The following DCST2 variants were observed in gnomAD, a reference collection of about 807,000 sequenced individuals.
The protein encoded by DCST2 is DC-STAMP domain-containing protein 2.
In DCST2, 64 loss-of-function variants were observed where a neutral mutation model predicts 81.8. The ratio of observed to expected loss-of-function variants is 0.78; its 90% CI spans 0.64 to 0.96. The LOEUF (loss-of-function observed/expected upper bound fraction) is 0.96. Among genes scored for constraint, DCST2 ranks in the 40% least tolerant of loss-of-function variants. The probability of loss-of-function intolerance (pLI) is 0.00; values close to 1 mark genes in which losing one functional copy is unlikely to be tolerated. For missense variants in DCST2, 945 were observed against 1,001.4 expected (o/e 0.94, Z 0.76); for synonymous variants, 354 against 402.6 (o/e 0.88, Z 1.44).
chr1:155,028,530 G>C (rs574889887), intron 8 of DCST2, among the ~76,000 whole-genome samples: 1 of 151,680 alleles, frequency 6.6e-6, no homozygotes, highest in South Asian at 2.1e-4. Context: ...ATTGTAGTGA[G>C]CCAAGATTGC....
chr1:155,027,621 T>A (rs1441468256), intron 8 of DCST2, among the ~76,000 whole-genome samples: 1 of 139,848 alleles, frequency 7.2e-6, no homozygotes, highest in Non-Finnish European at 1.5e-5. Flanking sequence ...AGTGCAGTGG[T>A]GTGATCTCGG....
chr1:155,030,303 G>T, intron 6 of DCST2, 62 bp from the exon 7 acceptor site: 1 of 1,606,288 alleles, frequency 6.2e-7, no homozygotes, highest in Non-Finnish European at 8.5e-7. Flanking sequence ...ACCCCACAGG[G>T]CATCCGCGCT....
chr1:155,024,984 A>G (rs1659859955), intron 10 of DCST2, among the ~76,000 whole-genome samples: 1 of 152,060 alleles, frequency 6.6e-6, no homozygotes, highest in Non-Finnish European at 1.5e-5. Context: ...CGCCATCTCT[A>G]CTAAAAATAC....
At chr1:155,024,400 A>T in intron 11 of DCST2, 72 bp downstream of exon 11, 2 of 1,493,086 alleles carry the variant, frequency 1.3e-6, no homozygotes, top group Non-Finnish European at 1.8e-6. Context: ...ATAGCACAGA[A>T]ATCCATTCCA....
chr1:155,033,564 C>T lies in DCST2; in HGVS notation c.138G>A (p.Leu46=), dbSNP rs753574062. The change falls in exon 1 of 15, where the codon CTG becomes CTA. Residue 46 remains leucine (L), a synonymous_variant. Coordinates refer to ENST00000368424, the MANE Select transcript of DCST2 (RefSeq NM_144622.3). ...LATAYGLLEL[L]VEGHSPWGCL... The stretch of plus-strand genomic sequence containing the variant: ...AACCCCAGGGGCTGTGGCCTTCCAC[C>T]AGTAGCTCCAGAAGCCCGTAGGCCG... 6.2e-7 allele frequency: 1 copy of T among 1,614,188 alleles called. No individual in the cohort carries two copies. Among genetic ancestry groups the T allele is most frequent in the Non-Finnish European group, 8.5e-7 (1 of 1,180,024 alleles).
chr1:155,019,049 T>C (rs1659666484), intron 14 of DCST2, among the ~76,000 whole-genome samples: 1 of 152,198 alleles, frequency 6.6e-6, no homozygotes, highest in Non-Finnish European at 1.5e-5. Context: ...CTGTCCCCTC[T>C]GCTGACCCAG....
rs1474128194 is a variant in DCST2, at chr1:155,030,498, C to A, written c.953G>T (p.Arg318Leu). 5 of 1,613,994 alleles carry A rather than the reference C, an allele frequency of 3.1e-6. No individual in the cohort carries two copies. In the East Asian group the frequency reaches 1.1e-4, roughly 36 times the overall value. ...LHEAVSMKLH[R>L]VREALALMGF... Reference sequence around the variant, plus strand: ...CATCAGAGCCAGGGCCTCTCGGACACGGTGCAGCTTCATGCTGACAGCCTC... The same window carrying A: ...CATCAGAGCCAGGGCCTCTCGGACAAGGTGCAGCTTCATGCTGACAGCCTC... The change falls in exon 6 of 15, where the codon CGT (arginine) becomes CTT (leucine). Residue 318 changes from arginine to leucine, a missense_variant. Arg to Leu is a moderately radical substitution (Grantham distance 102, BLOSUM62 -2). Coordinates refer to ENST00000368424, the MANE Select transcript of DCST2 (RefSeq NM_144622.3).
In DCST2 at chr1:155,033,642, C is replaced by T. The variant is rs150010313; in HGVS notation, c.60G>A (p.Ala20=). 2,591 of 1,614,192 alleles carry T rather than the reference C, an allele frequency of 1.6e-3. 4 individuals carry two copies. The highest frequency in any genetic ancestry group is 2.1e-3 in the Non-Finnish European group (2,447 of 1,180,028). Residue 20 remains alanine (A), a synonymous_variant, in exon 1 of 15, where the codon GCG becomes GCA. Transcript: ENST00000368424. ...CTCCCACGCTGCGAACCACAGCTCTCGCCATGCTAGGCTCCTCTCCCCCCA... is the reference window on the plus strand; with the variant it reads ...CTCCCACGCTGCGAACCACAGCTCTTGCCATGCTAGGCTCCTCTCCCCCCA... ...HPLGGEEPSM[A]RAVVRSVGGF...
At chr1:155,030,765 C>G in intron 5 of DCST2, 120 bp from the exon 6 acceptor site, 1 of 1,080,172 alleles carries the variant, frequency 9.3e-7, no homozygotes, top group South Asian at 1.5e-5. Flanking sequence ...CTGGGAACCC[C>G]CCAGTGCTTG....
At chr1:155,030,394 C>T (rs369912447) in intron 6 of DCST2, 38 bp downstream of exon 6, 45 of 1,605,732 alleles carry the variant, frequency 2.8e-5, no homozygotes, top group East Asian at 1.1e-4. Flanking sequence ...CCTGCACCCC[C>T]GGCCCTGCAT....
chr1:155,030,394 C>G (rs369912447), intron 6 of DCST2, 38 bp downstream of exon 6: 7 of 1,605,854 alleles, frequency 4.4e-6, no homozygotes, highest in Admixed American at 1.7e-5. Flanking sequence ...CCTGCACCCC[C>G]GGCCCTGCAT....
Position 155,023,911 on chromosome 1 carries a change from G to C in DCST2, c.1791C>G (p.Ala597=), listed in dbSNP as rs142912219. ...GGGGCTGCCCACAGCCCAGGCAGTA[G>C]GCCTGATGCAGCCAAAAGTGGCTGA... ...PFVSHFWLHQ[A]YCLGCGQPQD... The change falls in exon 12 of 15, where the codon GCC becomes GCG. Residue 597 remains alanine, a synonymous_variant. Coordinates refer to ENST00000368424, the MANE Select transcript of DCST2 (RefSeq NM_144622.3). The C allele has an allele frequency of 3.3e-5, 53 of 1,613,668 alleles. No individual in the cohort carries two copies. Among genetic ancestry groups the C allele is most frequent in the Non-Finnish European group, 3.6e-5 (42 of 1,179,910 alleles).
At chr1:155,019,955 G>T (rs775690756) in intron 14 of DCST2, among the ~76,000 whole-genome samples, 1 of 152,146 alleles carries the variant, frequency 6.6e-6, no homozygotes, top group South Asian at 2.1e-4. Context: ...CCAGCTGCCT[G>T]CTCTGCTCTC....
In DCST2 at chr1:155,023,552, C is replaced by T. The variant is rs141122264; in HGVS notation, c.1871-95G>A. On this transcript the variant is annotated intron_variant, in intron 12 of 14. Transcript: ENST00000368424. ...CAGCCCCTGCCTCCCCTATCACAGA[C>T]CTGGATGAACCATCCTTGTCAAGGG... 3.3e-4 allele frequency: 510 copies of T among 1,548,238 alleles called. 2 individuals are homozygous for T. In the East Asian group the frequency reaches 0.012, roughly 35 times the overall value.
At chr1:155,029,421 G>C in intron 7 of DCST2, 24 bp from the exon 8 acceptor site, 1 of 1,610,136 alleles carries the variant, frequency 6.2e-7, no homozygotes, top group Non-Finnish European at 8.5e-7. Context: ...GGATGGTCAG[G>C]AGGATGCTCC....
chr1:155,028,868 CA>C (rs71767777), intron 8 of DCST2, among the ~76,000 whole-genome samples: 139 of 101,502 alleles, frequency 1.4e-3, no homozygotes, highest in African/African-American at 3.6e-3. Context: ...GACTCTGTCT[CA>C]AAAAAAAAAA....
chr1:155,020,394 G>C (rs1007424581), intron 14 of DCST2, among the ~76,000 whole-genome samples: 5 of 152,158 alleles, frequency 3.3e-5, no homozygotes, highest in African/African-American at 1.2e-4. Flanking sequence ...TTTTGAGACA[G>C]AGTCTTGCTC....
intron 4 of DCST2, 121 bp from the exon 5 acceptor site, chr1:155,031,355 C>A: frequency 8.7e-7 from 1 of 1,155,604 alleles, no homozygotes; most frequent in South Asian, 1.6e-5. Context: ...CACATTTGCT[C>A]AAAACCTTGT....
chr1:155,022,848 G>C (rs1163592094), intron 14 of DCST2, among the ~76,000 whole-genome samples: 1 of 152,160 alleles, frequency 6.6e-6, no homozygotes, highest in Non-Finnish European at 1.5e-5. Flanking sequence ...TGTCCTCTGT[G>C]CTGTCCAGAG....
Sources: allele counts gnomAD v4.1 joint callset (sites outside exome capture counted in the v4.1 genomes callset), GRCh38; gene constraint gnomAD v4.1.1; transcripts MANE v1.5; gene names NCBI Gene and HGNC (gene_info 2026-07-23, HGNC 2026-07-21).